CSMD1: variants seen among roughly 807,000 people sequenced by gnomAD.
CSMD1 encodes the protein CUB and sushi domain-containing protein 1.
Under a neutral mutation model 417.5 loss-of-function variants are expected in CSMD1, and 213 were observed. That is an observed-to-expected ratio of 0.51 (90% CI 0.46 to 0.57). The LOEUF (loss-of-function observed/expected upper bound fraction) is 0.57, where lower values mean the gene tolerates loss of function less well. Among genes scored for constraint, CSMD1 ranks in the 20% least tolerant of loss-of-function variants. The pLI, the probability that CSMD1 is intolerant of heterozygous loss-of-function variation, is 0.00. For missense variants in CSMD1, 6,923 were observed against 4,529.7 expected, an observed-to-expected ratio of 1.53 and a Z score of -15.17; for synonymous variants, 2,862 against 1,736.8, an observed-to-expected ratio of 1.65 and a Z score of -16.11.
chr8:3,522,797 G>C (rs919726134), intron 10 of CSMD1, among the ~76,000 whole-genome samples: 4 of 151,016 alleles, frequency 2.6e-5, no homozygotes, highest in African/African-American at 9.7e-5. Context: ...ATTTTTCATG[G>C]TTACATATTA....
chr8:4,158,004 C>T (rs1013734556), intron 3 of CSMD1, among the ~76,000 whole-genome samples: 10 of 152,108 alleles, frequency 6.6e-5, no homozygotes, highest in African/African-American at 2.2e-4. Context: ...CTTTCCTGCT[C>T]AACTGCCCCC....
intron 50 of CSMD1, among the ~76,000 whole-genome samples, chr8:3,032,578 CAG>C (rs1810412224): frequency 6.6e-6 from 1 of 151,996 alleles, no homozygotes; most frequent in African/African-American, 2.4e-5. Context: ...CAAATAAAAA[CAG>C]AACATTTTAC....
intron 3 of CSMD1, among the ~76,000 whole-genome samples, chr8:4,059,810 C>T (rs4409414): frequency 0.12 from 17,385 of 150,670 alleles, 1,511 homozygotes; most frequent in East Asian, 0.34. Context: ...AATAGCTTAC[C>T]AACCAAAAAG....
chr8:3,273,933 T>G (rs1802073081), intron 26 of CSMD1, among the ~76,000 whole-genome samples: 1 of 152,072 alleles, frequency 6.6e-6, no homozygotes, highest in Non-Finnish European at 1.5e-5. Flanking sequence ...TTCCTTCAGT[T>G]CTACTCTGAT....
intron 8 of CSMD1, among the ~76,000 whole-genome samples, chr8:3,591,379 T>C (rs1044175724): frequency 6.6e-6 from 1 of 152,326 alleles, no homozygotes; most frequent in East Asian, 1.9e-4. Flanking sequence ...TCTTTCTAAG[T>C]GAGTAAACTA....
chr8:4,410,329 C>G lies in CSMD1; in HGVS notation c.415+9624G>C, dbSNP rs144703729. 1.1e-4 allele frequency among the ~76,000 whole-genome samples: 17 copies of G among 152,276 alleles called. No individual in the cohort carries two copies. The East Asian group carries it at 1.7e-3, about 16-fold the overall frequency. On this transcript the variant is annotated intron_variant, in intron 3 of 69. Coordinates refer to ENST00000635120, the MANE Select transcript of CSMD1 (RefSeq NM_033225.6). ...AGCGCTTAGTCACCAGCACAATGGT[C>G]ACACTCATAGTGACTGGGAAACTGC...
At chr8:3,300,894 G>T (rs543385821) in intron 25 of CSMD1, among the ~76,000 whole-genome samples, 1 of 144,408 alleles carries the variant, frequency 6.9e-6, no homozygotes, top group Non-Finnish European at 1.5e-5. Flanking sequence ...AGGAGGCTGA[G>T]GTTGCAGTGA....
At chr8:3,394,055 T>TAG (rs1491357354) in intron 17 of CSMD1, among the ~76,000 whole-genome samples, 1 of 112,372 alleles carries the variant, frequency 8.9e-6, no homozygotes, top group East Asian at 2.7e-4. Context: ...TATATATATA[T>TAG]AGAAAAAAAG....
At chr8:4,225,034 C>T (rs556742603) in intron 3 of CSMD1, among the ~76,000 whole-genome samples, 1 of 152,304 alleles carries the variant, frequency 6.6e-6, no homozygotes, top group East Asian at 1.9e-4. Context: ...ATCGCTTGAA[C>T]CCTAGAGGCA....
At chr8:4,323,802 A>G (rs1799404611) in intron 3 of CSMD1, among the ~76,000 whole-genome samples, 2 of 152,264 alleles carry the variant, frequency 1.3e-5, no homozygotes, top group South Asian at 4.2e-4. Context: ...ATTGAACCAT[A>G]AAGGATGGGC....
intron 3 of CSMD1, among the ~76,000 whole-genome samples, chr8:4,145,923 C>A (rs1429719708): frequency 6.6e-6 from 1 of 150,876 alleles, no homozygotes; most frequent in Non-Finnish European, 1.5e-5. Flanking sequence ...ATGATTGGCC[C>A]CATTGTTTGT....
chr8:3,776,855 T>A lies in CSMD1; in HGVS notation c.819-22813A>T, dbSNP rs141254906. Among the ~76,000 whole-genome samples, 882 of 142,724 alleles carry A rather than the reference T, an allele frequency of 6.2e-3. 3 individuals are homozygous for A. The highest frequency in any genetic ancestry group is 0.01 in the Non-Finnish European group (672 of 66,064). The allele number at this position is 142,724 out of a possible 152,430, so 93.6% of individuals were successfully genotyped here. A position where few individuals can be genotyped will look rare whatever the true frequency, so the allele number is the denominator to read the frequency against. On this transcript the variant is annotated intron_variant, in intron 5 of 69. Coordinates refer to ENST00000635120, the MANE Select transcript of CSMD1 (RefSeq NM_033225.6). ...GACAGATCATACATAGAATGACAGATACAGACAAAGATAGCTGATAGATAT... is the reference window on the plus strand; with the variant it reads ...GACAGATCATACATAGAATGACAGAAACAGACAAAGATAGCTGATAGATAT...
chr8:4,168,658 A>C (rs1202666048), intron 3 of CSMD1, among the ~76,000 whole-genome samples: 1 of 152,106 alleles, frequency 6.6e-6, no homozygotes, highest in Non-Finnish European at 1.5e-5. Flanking sequence ...TCTGGAGTAC[A>C]TCATTCTCAC....
intron 3 of CSMD1, among the ~76,000 whole-genome samples, chr8:4,373,562 TATC>T (rs1339068659): frequency 2.0e-5 from 3 of 152,258 alleles, no homozygotes; most frequent in Non-Finnish European, 4.4e-5. Flanking sequence ...ACTCAACTCT[TATC>T]ATTTAATTTC....
chr8:4,762,471 G>A lies in CSMD1; in HGVS notation c.86-124913C>T, dbSNP rs184493797. On this transcript the variant is annotated intron_variant, in intron 1 of 69. Coordinates refer to ENST00000635120, the MANE Select transcript of CSMD1 (RefSeq NM_033225.6). ...AAGCATCTCAGTTATTTAACATGCT[G>A]TGATTTAAATTACAGATATCAAATT... is the stretch of plus-strand genomic sequence containing the variant. Among the ~76,000 whole-genome samples, 439 of 152,180 alleles carry A rather than the reference G, an allele frequency of 2.9e-3. 1 individual carries two copies. Among genetic ancestry groups the A allele is most frequent in the Non-Finnish European group, 4.9e-3 (332 of 68,010 alleles).
At chr8:3,556,028 A>G (rs1311734029) in intron 10 of CSMD1, among the ~76,000 whole-genome samples, 2 of 152,178 alleles carry the variant, frequency 1.3e-5, no homozygotes, top group East Asian at 1.9e-4. Flanking sequence ...AATAGAATAT[A>G]GAGGAATTTG....
intron 5 of CSMD1, among the ~76,000 whole-genome samples, chr8:3,862,546 A>C (rs1046196394): frequency 6.6e-6 from 1 of 152,190 alleles, no homozygotes; most frequent in Non-Finnish European, 1.5e-5. Flanking sequence ...CTTTTCTTTG[A>C]GATTTTCAGC....
At chr8:4,979,362 G>T (rs772811463) in intron 1 of CSMD1, among the ~76,000 whole-genome samples, 6 of 151,272 alleles carry the variant, frequency 4.0e-5, no homozygotes, top group Non-Finnish European at 7.4e-5. Context: ...TAAAGACAAA[G>T]AAACCAAGTG....
chr8:4,735,761 T>G (rs980961024), intron 1 of CSMD1, among the ~76,000 whole-genome samples: 4 of 152,172 alleles, frequency 2.6e-5, no homozygotes, highest in African/African-American at 9.7e-5. Context: ...GTCTTCCTAG[T>G]TGTCAGCCGA....
Sources: allele counts gnomAD v4.1 joint callset (sites outside exome capture counted in the v4.1 genomes callset), GRCh38; gene constraint gnomAD v4.1.1; transcripts MANE v1.5; gene names NCBI Gene and HGNC (gene_info 2026-07-23, HGNC 2026-07-21).